The following KIAA0825 variants were observed in gnomAD, a reference collection of about 807,000 sequenced individuals.
KIAA0825 encodes uncharacterized protein KIAA0825.
A neutral mutation model predicts 147.6 loss-of-function variants in KIAA0825; 119 were observed. That is an observed-to-expected ratio of 0.81 (90% CI 0.69 to 0.94). KIAA0825 has a LOEUF of 0.94. Among genes scored for constraint, KIAA0825 ranks in the 40% least tolerant of loss-of-function variants. The probability of loss-of-function intolerance (pLI) is 0.00; values close to 1 mark genes in which losing one functional copy is unlikely to be tolerated. For synonymous variants in KIAA0825, 470 were observed against 518.1 expected, an observed-to-expected ratio of 0.91 and a Z score of 1.26; for missense variants, 1,381 against 1,472.7, an observed-to-expected ratio of 0.94 and a Z score of 1.02.
intron 20 of KIAA0825, among the ~76,000 whole-genome samples, chr5:94,360,793 C>T (rs1744953196): frequency 6.6e-6 from 1 of 152,192 alleles, no homozygotes; most frequent in South Asian, 2.1e-4. Flanking sequence ...GAACCAGCAG[C>T]CCTCAGAGGC....
chr5:94,436,830 C>T (rs757475696), intron 14 of KIAA0825, among the ~76,000 whole-genome samples: 6 of 152,090 alleles, frequency 3.9e-5, no homozygotes, highest in Non-Finnish European at 7.4e-5. Context: ...TTGTAAAGGT[C>T]CTTCACTTCC....
At position 94,464,997 on chromosome 5, in the gene KIAA0825, A is replaced by G. The variant is rs1214507608; in HGVS notation, c.1935T>C (p.Asp645=). 1 of 1,551,712 alleles carries G rather than the reference A, an allele frequency of 6.4e-7. No individual in the cohort carries two copies. Among genetic ancestry groups the G allele is most frequent in the Non-Finnish European group, 8.7e-7 (1 of 1,146,978 alleles). The change falls in exon 11 of 21, where the codon GAT becomes GAC. Residue 645 remains aspartate, a synonymous_variant. Transcript: ENST00000682413. ...ACTTAGGAGGCAGAATGGTCCAGAG[A>G]TCGTAATGAAGAGACCAGCAGAAAT... ...WHYFCWSLHY[D]LWTILPPKLA... is the part of the protein sequence containing the mutation.
chr5:94,590,687 C>T (rs754442067), intron 1 of KIAA0825, among the ~76,000 whole-genome samples: 24 of 152,186 alleles, frequency 1.6e-4, no homozygotes, highest in Non-Finnish European at 2.6e-4. Flanking sequence ...AACTGTGCTT[C>T]TTCATAGCTT....
At chr5:94,400,646 C>A (rs920637097) in intron 16 of KIAA0825, among the ~76,000 whole-genome samples, 2 of 152,084 alleles carry the variant, frequency 1.3e-5, no homozygotes, top group African/African-American at 4.8e-5. Context: ...GTATATCTTT[C>A]ATTTAATTTT....
At chr5:94,209,649 T>C (rs187303315) in intron 20 of KIAA0825, among the ~76,000 whole-genome samples, 1 of 152,334 alleles carries the variant, frequency 6.6e-6, no homozygotes, top group East Asian at 1.9e-4. Flanking sequence ...TTTACCTGTT[T>C]ATAATTTATT....
chr5:94,156,027 A>C (rs1484059293), intron 20 of KIAA0825, among the ~76,000 whole-genome samples: 2 of 152,194 alleles, frequency 1.3e-5, no homozygotes, highest in Non-Finnish European at 2.9e-5. Context: ...CCCAAGCAGG[A>C]AAATAAATAA....
chr5:94,342,819 T>A (rs1469900464), intron 20 of KIAA0825, among the ~76,000 whole-genome samples: 1 of 152,004 alleles, frequency 6.6e-6, no homozygotes, highest in Non-Finnish European at 1.5e-5. Flanking sequence ...TGCTAATAAT[T>A]AAAAATGAAT....
chr5:94,584,685 G>C (rs1782908773), intron 1 of KIAA0825, among the ~76,000 whole-genome samples: 1 of 152,194 alleles, frequency 6.6e-6, no homozygotes, highest in Admixed American at 6.5e-5. Context: ...AAGAAATACA[G>C]AGAACACCAC....
At chr5:94,515,449 G>A (rs1281793197) in intron 5 of KIAA0825, among the ~76,000 whole-genome samples, 1 of 151,960 alleles carries the variant, frequency 6.6e-6, no homozygotes, top group Non-Finnish European at 1.5e-5. Flanking sequence ...TAAGCTAAAT[G>A]AAAAAAATAT....
Position 94,396,402 on chromosome 5 carries a change from T to C in KIAA0825, c.2995A>G (p.Arg999Gly). 6.4e-7 allele frequency: 1 copy of C among 1,550,550 alleles called. No homozygotes were observed. Among genetic ancestry groups the C allele is most frequent in the Non-Finnish European group, 8.7e-7 (1 of 1,146,678 alleles). ...PVKYFFFLSE[R>G]KMSKKFVELK... ...TCAACAAATTTTTTTGACATTTTTC[T>C]CTCAGACAGAAAAAAGAAGTATTTA... The change falls in exon 17 of 21, where the codon AGA becomes GGA. Residue 999 changes from arginine to glycine, a missense_variant. Coordinates refer to ENST00000682413, the MANE Select transcript of KIAA0825 (RefSeq NM_001145678.3).
At chr5:94,376,189 TTTA>T (rs1747544455) in intron 20 of KIAA0825, among the ~76,000 whole-genome samples, 1 of 152,354 alleles carries the variant, frequency 6.6e-6, no homozygotes, top group African/African-American at 2.4e-5. Flanking sequence ...GTTTGCTGTC[TTTA>T]TTATCATCAG....
chr5:94,461,913 G>T (rs911885636), intron 12 of KIAA0825, among the ~76,000 whole-genome samples: 2 of 151,832 alleles, frequency 1.3e-5, no homozygotes, highest in Admixed American at 6.6e-5. Context: ...CACATTTCTA[G>T]ATTTTTCTAA....
At chr5:94,301,168 G>C (rs1319894593) in intron 20 of KIAA0825, among the ~76,000 whole-genome samples, 2 of 152,034 alleles carry the variant, frequency 1.3e-5, no homozygotes, top group Non-Finnish European at 2.9e-5. Context: ...TGAATTTCCA[G>C]GAAGTTAGGA....
intron 17 of KIAA0825, among the ~76,000 whole-genome samples, chr5:94,395,303 A>T (rs79685893): frequency 6.6e-6 from 1 of 152,186 alleles, no homozygotes; most frequent in Non-Finnish European, 1.5e-5. Flanking sequence ...GCAGAAAGTT[A>T]TACTAGTATC....
chr5:94,318,622 C>G (rs1779874904), intron 20 of KIAA0825, among the ~76,000 whole-genome samples: 1 of 151,930 alleles, frequency 6.6e-6, no homozygotes, highest in South Asian at 2.1e-4. Flanking sequence ...GCTCTGAGAG[C>G]ACAGAGAACA....
chr5:94,506,053 T>C (rs1341255171), intron 5 of KIAA0825, among the ~76,000 whole-genome samples: 1 of 152,232 alleles, frequency 6.6e-6, no homozygotes, highest in Admixed American at 6.5e-5. Context: ...TTAACTACTA[T>C]TGCACACTTC....
intron 15 of KIAA0825, among the ~76,000 whole-genome samples, chr5:94,407,194 A>G (rs1460257507): frequency 6.6e-6 from 1 of 152,178 alleles, no homozygotes; most frequent in African/African-American, 2.4e-5. Flanking sequence ...CATACCAAGA[A>G]AGCCCTGAGA....
chr5:94,273,783 T>TA (rs36112465), intron 20 of KIAA0825, among the ~76,000 whole-genome samples: 23,454 of 150,664 alleles, frequency 0.16, 1,986 homozygotes, highest in African/African-American at 0.22. Flanking sequence ...GTTAGGAGGT[T>TA]AAAAAAAAAT....
intron 20 of KIAA0825, among the ~76,000 whole-genome samples, chr5:94,283,551 T>C (rs919419796): frequency 6.6e-6 from 1 of 152,060 alleles, no homozygotes; most frequent in South Asian, 2.1e-4. Flanking sequence ...TTAAATACTT[T>C]AAAAAATCCC....
Sources: allele counts gnomAD v4.1 joint callset (sites outside exome capture counted in the v4.1 genomes callset), GRCh38; gene constraint gnomAD v4.1.1; transcripts MANE v1.5; gene names NCBI Gene and HGNC (gene_info 2026-07-23, HGNC 2026-07-21).